The following SLFN12L variants were observed in gnomAD, a reference collection of about 807,000 sequenced individuals.
The protein encoded by SLFN12L is schlafen family member 12 like.
In SLFN12L, 34 loss-of-function variants were observed where a neutral mutation model predicts 34.8. The ratio of observed to expected loss-of-function variants is 0.98; its 90% confidence interval spans 0.74 to 1.30. The LOEUF is 1.30. Among genes scored for constraint, SLFN12L ranks in the 50% most tolerant of loss-of-function variants. The probability of loss-of-function intolerance (pLI) is 0.00; values close to 1 mark genes in which losing one functional copy is unlikely to be tolerated. For synonymous variants in SLFN12L, 259 were observed against 247.5 expected (o/e 1.05, Z -0.44); for missense variants, 703 against 696.2 (o/e 1.01, Z -0.11).
At chr17:35,534,358 C>T (rs2072439253) in intron 1 of SLFN12L, among the ~76,000 whole-genome samples, 1 of 152,058 alleles carries the variant, frequency 6.6e-6, no homozygotes, top group Non-Finnish European at 1.5e-5. Context: ...AAGACTCCGT[C>T]TCAAAAAAAA....
At chr17:35,530,138 G>A (rs1394654116) in intron 1 of SLFN12L, among the ~76,000 whole-genome samples, 3 of 68,516 alleles carry the variant, frequency 4.4e-5, no homozygotes, top group Non-Finnish European at 8.7e-5. Flanking sequence ...TTTTTTTTTT[G>A]AGATCGAGAC....
intron 3 of SLFN12L, among the ~76,000 whole-genome samples, chr17:35,478,826 G>C (rs542384080): frequency 1.3e-5 from 2 of 152,178 alleles, no homozygotes; most frequent in African/African-American, 4.8e-5. Context: ...AAAGAAAAAC[G>C]AAAAGAATTG....
intron 2 of SLFN12L, among the ~76,000 whole-genome samples, chr17:35,492,782 G>A (rs573980865): frequency 2.0e-5 from 3 of 152,170 alleles, no homozygotes; most frequent in Non-Finnish European, 4.4e-5. Context: ...TGGGAATATG[G>A]CGTAGTATCT....
At chr17:35,477,388 C>T (rs1914083260) in intron 4 of SLFN12L, among the ~76,000 whole-genome samples, 3 of 152,120 alleles carry the variant, frequency 2.0e-5, no homozygotes, top group African/African-American at 7.2e-5. Flanking sequence ...ACACAAGGCA[C>T]AAAGAGCACT....
At chr17:35,491,171 G>A in intron 2 of SLFN12L, 1 of 846,612 alleles carries the variant, frequency 1.2e-6, no homozygotes, top group Middle Eastern at 2.3e-4. Flanking sequence ...GAGGAGGAAG[G>A]CATCAGCGAT....
In SLFN12L at chr17:35,479,245, G is replaced by A. The variant is rs1004538803; in HGVS notation, c.1037C>T (p.Ala346Val). The change falls in exon 3 of 5, where the codon GCA becomes GTA. Residue 346 changes from alanine (A) to valine (V), a missense_variant. Transcript: ENST00000628453. The part of the protein sequence containing the change: ...DKGRLCGYVY[A>V]LRVERFCCAV... ...ACAGCAGAAGCGTTCCACTCTGAGT[G>A]CATACACATATCCACAAAGCCTTCC... 4 of 1,593,502 alleles carry A rather than the reference G, an allele frequency of 2.5e-6. No individual in the cohort carries two copies. The highest frequency in any genetic ancestry group is 3.4e-6 in the Non-Finnish European group (4 of 1,168,448).
Position 35,522,638 on chromosome 17 carries a change from T to C in SLFN12L, c.-274A>G. The C allele has an allele frequency of 1.2e-6, 2 of 1,613,754 alleles. No homozygotes were observed. Among genetic ancestry groups the C allele is most frequent in the East Asian group, 2.2e-5 (1 of 44,886 alleles). On this transcript the variant is annotated 5_prime_UTR_variant, in exon 2 of 5. Transcript: ENST00000628453. ...ACTGCAGCCTCCAAAGCCTCTGCGC[T>C]GCTCTCAGGACTCAGGCAGAGGACC...
chr17:35,498,544 A>G (rs1455825100), intron 2 of SLFN12L: 1 of 1,362,242 alleles, frequency 7.3e-7, no homozygotes, highest in African/African-American at 1.4e-5. Context: ...CTGGTCCAGA[A>G]CAGTCCAAAA....
chr17:35,525,390 C>T (rs2072324112), intron 1 of SLFN12L, among the ~76,000 whole-genome samples: 1 of 152,048 alleles, frequency 6.6e-6, no homozygotes. Context: ...GAAGAGCAAC[C>T]CTAAGACACA....
Position 35,471,475 on chromosome 17 carries a change from G to A in SLFN12L, c.*3448C>T, listed in dbSNP as rs148770606. ...ATAGTAGAATGATTTACATTCCTTT[G>A]GGTATATACCCAGTAATGGGATTCC... is the stretch of plus-strand genomic sequence containing the variant. On this transcript the variant is annotated 3_prime_UTR_variant, in exon 5 of 5. Transcript: ENST00000628453. 9.9e-5 allele frequency among the ~76,000 whole-genome samples: 15 copies of A among 152,224 alleles called. No homozygotes were observed. The highest frequency in any genetic ancestry group is 3.6e-4 in the African/African-American group (15 of 41,524).
chr17:35,488,182 C>A (rs1262010820), intron 2 of SLFN12L, among the ~76,000 whole-genome samples: 1 of 152,174 alleles, frequency 6.6e-6, no homozygotes, highest in Non-Finnish European at 1.5e-5. Flanking sequence ...ACGCTCCAGC[C>A]TGGGCGACAG....
At chr17:35,523,664 G>C (rs1055533696) in intron 1 of SLFN12L, among the ~76,000 whole-genome samples, 13 of 152,098 alleles carry the variant, frequency 8.5e-5, no homozygotes, top group Non-Finnish European at 1.5e-4. Flanking sequence ...GGCTGGGTGC[G>C]GTGGCTCACT....
intron 1 of SLFN12L, among the ~76,000 whole-genome samples, chr17:35,537,205 C>A (rs1176828473): frequency 6.6e-6 from 1 of 152,048 alleles, no homozygotes. Context: ...TCTTCACAGG[C>A]ATCCCTTCCT....
chr17:35,479,937 A>G lies in SLFN12L; in HGVS notation c.345T>C (p.Asp115=), dbSNP rs754620493. 5.6e-6 allele frequency: 9 copies of G among 1,614,054 alleles called. No homozygotes were observed. The highest frequency in any genetic ancestry group is 6.8e-6 in the Non-Finnish European group (8 of 1,180,014). ...AATTTTCCAAATCTAGCCCTATTCC[A>G]TCTTTTTTATAACTATAGCCTTTAT... ...VENKGYSYKK[D]GIGLDLENSF... The change falls in exon 3 of 5, where the codon GAT becomes GAC. Residue 115 remains aspartate (D), a synonymous_variant. Transcript: ENST00000628453.
rs151093710 is a variant in SLFN12L at position 35,494,275 on chromosome 17, A to G, written c.87-14080T>C. Among the ~76,000 whole-genome samples the G allele has an allele frequency of 4.6e-3, 701 of 152,244 alleles. 8 individuals are homozygous for G. The highest frequency in any genetic ancestry group is 0.032 in the East Asian group (168 of 5,190). On this transcript the variant is annotated intron_variant, in intron 2 of 4. Transcript: ENST00000628453. Reference sequence around the variant, plus strand: ...CTTTTATGATGGATTTTGTAAACAGATTTGTTACAGGGTGACCTGTTCTCT... The same window carrying G: ...CTTTTATGATGGATTTTGTAAACAGGTTTGTTACAGGGTGACCTGTTCTCT...
At chr17:35,530,513 A>AAAGAAAG (rs1567694635) in intron 1 of SLFN12L, among the ~76,000 whole-genome samples, 16 of 32,584 alleles carry the variant, frequency 4.9e-4, no homozygotes, top group African/African-American at 1.2e-3. Context: ...AGAAAGAAAG[A>AAAGAAAG]AAAGAAAAGA....
At position 35,469,968 on chromosome 17, in the gene SLFN12L, C is replaced by T. The variant is rs1280005674; in HGVS notation, c.*4955G>A. 1 of 152,202 alleles carries T rather than the reference C, an allele frequency of 6.6e-6. No homozygotes were observed. 9.4% of individuals were successfully genotyped at this position (152,202 alleles called of 1,614,324 possible). A position where few individuals can be genotyped will look rare whatever the true frequency, so the allele number is the denominator to read the frequency against. On this transcript the variant is annotated 3_prime_UTR_variant, in exon 5 of 5. Transcript: ENST00000628453. ...TTCCCCTCACTTCTGCTCCTCTTTCCTTAACCAACTGGATGCTTTACCACA... is the reference window on the plus strand; with the variant it reads ...TTCCCCTCACTTCTGCTCCTCTTTCTTTAACCAACTGGATGCTTTACCACA...
At chr17:35,533,815 T>G (rs1356218459) in intron 1 of SLFN12L, among the ~76,000 whole-genome samples, 1 of 152,140 alleles carries the variant, frequency 6.6e-6, no homozygotes, top group East Asian at 1.9e-4. Flanking sequence ...ACACCATAGC[T>G]CACGCCTGTA....
At chr17:35,491,157 CG>C in intron 2 of SLFN12L, 1 of 812,806 alleles carries the variant, frequency 1.2e-6, no homozygotes, top group Non-Finnish European at 2.1e-6. Flanking sequence ...TCCTGAGCCT[CG>C]GGGAGGAGGA....
Sources: gnomAD v4.1 joint callset for allele counts (sites outside exome capture counted in the v4.1 genomes callset) on GRCh38, gnomAD v4.1.1 for gene constraint, MANE v1.5 for transcripts, NCBI Gene and HGNC (gene_info 2026-07-23, HGNC 2026-07-21) for gene names.